The following NOS3 variants were observed in gnomAD, a reference collection of about 807,000 sequenced individuals.
The protein encoded by NOS3 is NOS type III.
A neutral mutation model predicts 144.9 loss-of-function variants in NOS3; 98 were observed. That is an observed-to-expected ratio of 0.68 (90% CI 0.57 to 0.80). NOS3 has a LOEUF of 0.80. NOS3 is among the 30% of genes least tolerant of loss of function. The probability of loss-of-function intolerance (pLI) is 0.00; values close to 1 mark genes in which losing one functional copy is unlikely to be tolerated. For missense variants in NOS3, 1,465 were observed against 1,656.4 expected, an observed-to-expected ratio of 0.88 and a Z score of 2.01; for synonymous variants, 714 against 702.4, an observed-to-expected ratio of 1.02 and a Z score of -0.26.
chr7:151,004,165 T>C (rs895570879), intron 14 of NOS3, among the ~76,000 whole-genome samples: 10 of 152,152 alleles, frequency 6.6e-5, no homozygotes, highest in African/African-American at 2.4e-4. Flanking sequence ...GGCAAAACCC[T>C]GTCTCTACTA....
In NOS3 at chr7:151,013,834, C is replaced by T; in HGVS notation, c.3366C>T (p.Asn1122=). 1.2e-6 allele frequency: 2 copies of T among 1,607,672 alleles called. No homozygotes were observed. Among genetic ancestry groups the T allele is most frequent in the Non-Finnish European group, 1.7e-6 (2 of 1,177,690 alleles). ...GCGGCGATGTTACCATGGCAACCAACGTCCTGCAGACCGTGCAGCGCATCC... is the reference window on the plus strand; with the variant it reads ...GCGGCGATGTTACCATGGCAACCAATGTCCTGCAGACCGTGCAGCGCATCC... The part of the protein sequence containing the change: ...FVCGDVTMAT[N]VLQTVQRILA... The change falls in exon 26 of 27, where the codon AAC becomes AAT. Residue 1122 remains asparagine, a synonymous_variant. Transcript: ENST00000297494.
Position 151,006,442 on chromosome 7 carries a change from C to G in NOS3, c.1768C>G (p.Leu590Val). 1 of 1,613,960 alleles carries G rather than the reference C, an allele frequency of 6.2e-7. No homozygotes were observed. The change falls in exon 15 of 27, where the codon CTG becomes GTG. Residue 590 changes from leucine to valine, a missense_variant. Physicochemically the swap from Leu to Val is conservative, Grantham distance 32. Around this residue, in one of 5 missense-constraint regions of NOS3, gnomAD observed 745 missense variants for 853.9 expected, o/e 0.87. Coordinates refer to ENST00000297494, the MANE Select transcript of NOS3 (RefSeq NM_000603.5). ...PENGESFAAALMEMSGPYNSS... is the reference protein window; with the variant it reads ...PENGESFAAAVMEMSGPYNSS... ...CCCTCGCCAGAGCTTTGCAGCTGCC[C>G]TGATGGAGATGTCCGGCCCCTACAA...
In NOS3 at chr7:151,010,617, G is replaced by T; in HGVS notation, c.2706G>T (p.Glu902Asp). The T allele has an allele frequency of 6.3e-7, 1 of 1,599,806 alleles. No homozygotes were observed. Among genetic ancestry groups the T allele is most frequent in the Non-Finnish European group, 8.5e-7 (1 of 1,173,344 alleles). ...ALSQDPRRYE[E>D]WKWFRCPTLL... ...GCCAGGATCCCCGACGCTACGAGGAGTGGAAGTGGTTCCGCTGCCCCACGC... is the reference window on the plus strand; with the variant it reads ...GCCAGGATCCCCGACGCTACGAGGATTGGAAGTGGTTCCGCTGCCCCACGC... Residue 902 changes from glutamate (E) to aspartate (D), a missense_variant, in exon 22 of 27, where the codon GAG (glutamate) becomes GAT (aspartate). By Grantham distance (45) the Glu-to-Asp change is conservative. This residue lies in a region of NOS3 where 745 missense variants were observed against 853.9 expected (regional missense o/e 0.87). Transcript: ENST00000297494.
intron 3 of NOS3, 58 bp from the exon 4 acceptor site, chr7:150,996,344 CAA>C: frequency 1.1e-6 from 1 of 881,912 alleles, no homozygotes; most frequent in Non-Finnish European, 1.6e-6. Flanking sequence ...TCCCTGCCCC[CAA>C]CTCCCATCCC....
intron 24 of NOS3, 189 bp from the exon 25 acceptor site, chr7:151,013,042 C>T: frequency 3.2e-6 from 2 of 632,762 alleles, no homozygotes; most frequent in South Asian, 4.3e-5. Flanking sequence ...TCCCTTCCCT[C>T]TGTAAATCAG....
rs1475628717 is a variant in NOS3, at chr7:151,014,471, C to T, written c.*302C>T. 7.2e-6 allele frequency: 3 copies of T among 417,422 alleles called. No individual in the cohort carries two copies. The East Asian group carries it at 1.1e-4, about 16-fold the overall frequency. The allele number at this position is 417,422 out of a possible 1,614,324, so 25.9% of individuals were successfully genotyped here. A position where few individuals can be genotyped will look rare whatever the true frequency, so the allele number is the denominator to read the frequency against. ...CGAATGTTAGATTCCTCTTGCCTCT[C>T]TCAGGAGTATCTTACCTGTAAAGTC... On this transcript the variant is annotated 3_prime_UTR_variant, in exon 27 of 27. Transcript: ENST00000297494.
In NOS3 at chr7:150,995,225, C is replaced by G; in HGVS notation, c.181C>G (p.Gln61Glu). Residue 61 changes from glutamine to glutamate, a missense_variant, in exon 3 of 27, where the codon CAG becomes GAG. Physicochemically the swap from Gln to Glu is conservative, Grantham distance 29. This residue lies in a region of NOS3 where 374 missense variants were observed against 377.0 expected (regional missense o/e 0.99). Coordinates refer to ENST00000297494, the MANE Select transcript of NOS3 (RefSeq NM_000603.5). ...EHSPPSSPLT[Q>E]PPEGPKFPRV... ...CAGCCCCCCGAGCTCCCCGCTAACC[C>G]AGCCCCCAGAGGGGCCCAAGTTCCC... 1 of 1,610,030 alleles carries G rather than the reference C, an allele frequency of 6.2e-7. No homozygotes were observed. The highest frequency in any genetic ancestry group is 8.5e-7 in the Non-Finnish European group (1 of 1,177,846).
intron 14 of NOS3, among the ~76,000 whole-genome samples, chr7:151,005,613 A>C (rs1461412652): frequency 6.6e-6 from 1 of 152,196 alleles, no homozygotes; most frequent in Non-Finnish European, 1.5e-5. Context: ...TGCCCCAACA[A>C]GTGGGGATTC....
At chr7:150,996,953 C>G (rs1004209345) in intron 5 of NOS3, 28 bp downstream of exon 5, 4 of 1,541,964 alleles carry the variant, frequency 2.6e-6, no homozygotes, top group Non-Finnish European at 3.5e-6. Context: ...CTGAGAGACC[C>G]GGGCGCTACC....
intron 10 of NOS3, 54 bp downstream of exon 10, chr7:151,000,653 A>C: frequency 8.2e-7 from 1 of 1,223,968 alleles, no homozygotes; most frequent in South Asian, 1.2e-5. Context: ...CGGGGGCAGC[A>C]GGGGCGGGGG....
intron 2 of NOS3, 101 bp downstream of exon 2, chr7:150,994,062 G>A: frequency 7.6e-7 from 1 of 1,312,018 alleles, no homozygotes; most frequent in Non-Finnish European, 1.0e-6. Context: ...AGTCGGGAGG[G>A]CCAGGTCACA....
intron 3 of NOS3, among the ~76,000 whole-genome samples, 173 bp downstream of exon 3, chr7:150,995,487 G>A (rs1022876468): frequency 6.9e-6 from 1 of 144,200 alleles, no homozygotes; most frequent in African/African-American, 2.6e-5. Context: ...ACGGGACTTG[G>A]GTGACCCTCA....
chr7:150,998,688 C>A lies in NOS3; in HGVS notation c.816+8C>A. ...AACGTGGAGATCACCGAGGTGGGCA[C>A]CGAGGGCCACCCATGAGGGTGTCCC... On this transcript the variant is annotated splice_region_variant and intron_variant, in intron 7 of 26. Transcript: ENST00000297494. This position sits in a 1 kb window ranked among gnomAD's most constrained non-coding sequence, Gnocchi z 5.0. The A allele has an allele frequency of 6.2e-7, 1 of 1,600,962 alleles. No homozygotes were observed. The highest frequency in any genetic ancestry group is 2.2e-5 in the East Asian group (1 of 44,486).
intron 24 of NOS3, 96 bp downstream of exon 24, chr7:151,012,568 G>T: frequency 1.4e-6 from 2 of 1,424,198 alleles, no homozygotes; most frequent in South Asian, 2.7e-5. Flanking sequence ...AGAGAGGGCA[G>T]GAAACAAAGT....
rs748946366 is a variant in NOS3, at chr7:150,998,935, A to C, written c.817-11A>C. 4.4e-6 allele frequency: 7 copies of C among 1,606,376 alleles called. No homozygotes were observed. The highest frequency in any genetic ancestry group is 1.3e-5 in the African/African-American group (1 of 74,296). On this transcript the variant is annotated splice_polypyrimidine_tract_variant and intron_variant, in intron 7 of 26. Coordinates refer to ENST00000297494, the MANE Select transcript of NOS3 (RefSeq NM_000603.5). This position sits in a 1 kb window ranked among gnomAD's most constrained non-coding sequence, Gnocchi z 5.0. ...TCAGCCCCAGAACCCCCTCTGGCCC[A>C]CTCCCCACAGCTCTGCATTCAGCAC...
chr7:151,009,356 C>T lies in NOS3; in HGVS notation c.2325-42C>T, dbSNP rs765279435. On this transcript the variant is annotated intron_variant, in intron 19 of 26. Transcript: ENST00000297494. Reference sequence around the variant, plus strand: ...TCCTCCCACATTCTCCCGCCCCCACCCCTCTCTGACTCCCCATAAGTGCCC... The same window carrying T: ...TCCTCCCACATTCTCCCGCCCCCACTCCTCTCTGACTCCCCATAAGTGCCC... 1.4e-5 allele frequency: 13 copies of T among 926,020 alleles called. 1 individual carries two copies. The highest frequency in any genetic ancestry group is 2.2e-5 in the Non-Finnish European group (13 of 602,608). 57.4% of individuals were successfully genotyped at this position (926,020 alleles called of 1,614,324 possible). A position where few individuals can be genotyped will look rare whatever the true frequency, so the allele number is the denominator to read the frequency against.
intron 10 of NOS3, 49 bp downstream of exon 10, chr7:151,000,648 G>A (rs776142797): frequency 4.7e-6 from 6 of 1,272,422 alleles, no homozygotes; most frequent in South Asian, 1.2e-5. Context: ...GCATACGGGG[G>A]CAGCAGGGGC....
Position 151,005,103 on chromosome 7 carries a change from G to A in NOS3, c.1753-1324G>A, listed in dbSNP as rs3918183. 2.8e-3 allele frequency among the ~76,000 whole-genome samples: 427 copies of A among 152,040 alleles called. 4 individuals are homozygous for A. The highest frequency in any genetic ancestry group is 9.8e-3 in the African/African-American group (405 of 41,468). ...GAATCCCTGACCTCAGCCTCCCAAAGTGCTGGGATTACAGGCGTGAGCCAC... is the reference window on the plus strand; with the variant it reads ...GAATCCCTGACCTCAGCCTCCCAAAATGCTGGGATTACAGGCGTGAGCCAC... On this transcript the variant is annotated intron_variant, in intron 14 of 26. Coordinates refer to ENST00000297494, the MANE Select transcript of NOS3 (RefSeq NM_000603.5).
Position 151,013,937 on chromosome 7 carries a change from G to A in NOS3, c.3450+19G>A, listed in dbSNP as rs1425542774. ...GCTGCGGGTGCGGAGGGGCGGGCCG[G>A]GCCTGAGCGTGCGGGGTTCCTGCTA... On this transcript the variant is annotated intron_variant, in intron 26 of 26. Transcript: ENST00000297494. 1.3e-6 allele frequency: 2 copies of A among 1,599,430 alleles called. No individual in the cohort carries two copies. Among genetic ancestry groups the A allele is most frequent in the East Asian group, 4.5e-5 (2 of 44,024 alleles).
Sources: gnomAD v4.1 joint callset for allele counts (sites outside exome capture counted in the v4.1 genomes callset) on GRCh38, gnomAD v4.1.1 for gene constraint, gnomAD v4.1.1 regional missense constraint, Gnocchi (gnomAD v3.1) non-coding constraint, MANE v1.5 for transcripts, NCBI Gene and HGNC (gene_info 2026-07-23, HGNC 2026-07-21) for gene names.